NRXN3: variants seen among roughly 807,000 people sequenced by gnomAD.
The protein encoded by NRXN3 is neurexin III.
A neutral mutation model predicts 137.6 loss-of-function variants in NRXN3; 32 were observed. That is an observed-to-expected ratio of 0.23 (90% CI 0.18 to 0.31). The LOEUF is 0.31. NRXN3 is among the 10% of genes least tolerant of loss of function. The probability of loss-of-function intolerance (pLI) is 1.00; values close to 1 mark genes in which losing one functional copy is unlikely to be tolerated. For missense variants in NRXN3, 1,574 were observed against 2,062.5 expected (o/e 0.76, Z 4.59); for synonymous variants, 798 against 784.5 (o/e 1.02, Z -0.29).
intron 15 of NRXN3, among the ~76,000 whole-genome samples, chr14:79,109,010 C>T (rs771087788): frequency 2.0e-5 from 3 of 152,136 alleles, no homozygotes; most frequent in Non-Finnish European, 2.9e-5. Flanking sequence ...CTACTGTCTA[C>T]GATAGATAAT....
Position 79,643,249 on chromosome 14 carries a change from G to A in NRXN3, c.3445-20529G>A, listed in dbSNP as rs191242594. Among the ~76,000 whole-genome samples, 154 of 135,618 alleles carry A rather than the reference G, an allele frequency of 1.1e-3. 7 individuals are homozygous for A. The highest frequency in any genetic ancestry group is 3.7e-3 in the African/African-American group (150 of 40,806). 89.0% of individuals were successfully genotyped at this position (135,618 alleles called of 152,430 possible). ...TTTTTTAAAATATATATCAAATTAT[G>A]CTATCTCACCACATCACAGTATAGC... is the stretch of plus-strand genomic sequence containing the variant. On this transcript the variant is annotated intron_variant, in intron 16 of 20. Coordinates refer to ENST00000335750, the MANE Select transcript of NRXN3 (RefSeq NM_001330195.2).
At chr14:78,755,754 T>C (rs1336148169) in intron 8 of NRXN3, among the ~76,000 whole-genome samples, 5 of 152,202 alleles carry the variant, frequency 3.3e-5, no homozygotes, top group Admixed American at 1.3e-4. Context: ...CTGTTTTGCT[T>C]CCTTCCTTAC....
At chr14:79,410,933 C>G (rs1261597225) in intron 15 of NRXN3, among the ~76,000 whole-genome samples, 39 of 151,990 alleles carry the variant, frequency 2.6e-4, no homozygotes, top group Non-Finnish European at 1.5e-5. Context: ...GTACAATTTA[C>G]AGTTTTGGGG....
intron 4 of NRXN3, among the ~76,000 whole-genome samples, chr14:78,501,530 G>A (rs1409550175): frequency 6.6e-6 from 1 of 152,140 alleles, no homozygotes; most frequent in Non-Finnish European, 1.5e-5. Flanking sequence ...CACTTTTGTT[G>A]TATTCTATTC....
At chr14:79,405,011 G>A (rs1007111235) in intron 15 of NRXN3, among the ~76,000 whole-genome samples, 1 of 152,160 alleles carries the variant, frequency 6.6e-6, no homozygotes, top group Non-Finnish European at 1.5e-5. Context: ...CAATGATCAA[G>A]TTCATAGCAA....
chr14:78,229,347 G>A lies in NRXN3; in HGVS notation c.-703-13044G>A, dbSNP rs567332708. The stretch of plus-strand genomic sequence containing the variant: ...GCCCTGTTATAATGGAAATAAACCC[G>A]GTCAAAGGGTCCTGATAGTTGAGCT... On this transcript the variant is annotated intron_variant, in intron 1 of 20. Coordinates refer to ENST00000335750, the MANE Select transcript of NRXN3 (RefSeq NM_001330195.2). 9.9e-5 allele frequency among the ~76,000 whole-genome samples: 15 copies of A among 151,856 alleles called. No individual in the cohort carries two copies. The South Asian group carries it at 1.0e-3, about 11-fold the overall frequency.
chr14:79,040,451 A>T (rs137910610), intron 15 of NRXN3, among the ~76,000 whole-genome samples: 94 of 152,336 alleles, frequency 6.2e-4, no homozygotes, highest in Middle Eastern at 3.4e-3. Context: ...CTAGGGGAAC[A>T]TGAGAAAGTT....
intron 15 of NRXN3, among the ~76,000 whole-genome samples, chr14:79,284,927 C>T (rs1379861195): frequency 6.6e-6 from 1 of 152,042 alleles, no homozygotes; most frequent in African/African-American, 2.4e-5. Context: ...ATTTATATAT[C>T]TTTGGCCTTG....
chr14:78,224,190 T>C (rs1030463736), intron 1 of NRXN3, among the ~76,000 whole-genome samples: 40 of 152,068 alleles, frequency 2.6e-4, no homozygotes, highest in Non-Finnish European at 5.0e-4. Flanking sequence ...CAAGACTTTT[T>C]TTTTTTTTAA....
Position 79,862,043 on chromosome 14 carries a change from A to C in NRXN3, c.*79A>C. On this transcript the variant is annotated 3_prime_UTR_variant, in exon 21 of 21. Transcript: ENST00000335750. ...ATGAATCTTTGGACGGTGAGATCTC[A>C]CAGATGTCAGAACTGCTGGAACTAT... 102 of 1,208,528 alleles carry C rather than the reference A, an allele frequency of 8.4e-5. No homozygotes were observed. Among genetic ancestry groups the C allele is most frequent in the Non-Finnish European group, 1.1e-4 (91 of 861,070 alleles). The allele number at this position is 1,208,528 out of a possible 1,614,324, so 74.9% of individuals were successfully genotyped here.
At chr14:79,715,218 G>A (rs977419191) in intron 19 of NRXN3, among the ~76,000 whole-genome samples, 7 of 152,160 alleles carry the variant, frequency 4.6e-5, no homozygotes, top group Non-Finnish European at 1.0e-4. Flanking sequence ...CTCCCAAAGA[G>A]CTGGGATTAC....
At chr14:78,978,451 A>G (rs1385855309) in intron 14 of NRXN3, among the ~76,000 whole-genome samples, 2 of 152,110 alleles carry the variant, frequency 1.3e-5, no homozygotes, top group Non-Finnish European at 2.9e-5. Context: ...AAAGCTAAAT[A>G]TAAGTGAATT....
rs1330053341 is a variant in NRXN3, at chr14:78,381,651, T to TTATATTA, written c.757+83795_757+83796insTTATATA. ...ACAAGAATGTCTATAGGAGATTATA[T>TTATATTA]TATAATAGCCCCAAACTGGAGATAA... On this transcript the variant is annotated intron_variant, in intron 4 of 20. Coordinates refer to ENST00000335750, the MANE Select transcript of NRXN3 (RefSeq NM_001330195.2). 5.9e-5 allele frequency among the ~76,000 whole-genome samples: 9 copies of TTATATTA among 152,328 alleles called. No individual in the cohort carries two copies. The South Asian group carries it at 8.3e-4, about 14-fold the overall frequency.
chr14:79,076,873 C>G (rs1018581524), intron 15 of NRXN3, among the ~76,000 whole-genome samples: 1 of 152,122 alleles, frequency 6.6e-6, no homozygotes, highest in South Asian at 2.1e-4. Flanking sequence ...AGTAGAGAAG[C>G]ATTGCATTTA....
intron 10 of NRXN3, among the ~76,000 whole-genome samples, chr14:78,813,953 A>G (rs1333096099): frequency 6.6e-6 from 1 of 152,140 alleles, no homozygotes; most frequent in Non-Finnish European, 1.5e-5. Context: ...TTTTCTAATC[A>G]GCTCTTCTTT....
chr14:79,672,966 A>G (rs2056824366), intron 17 of NRXN3, among the ~76,000 whole-genome samples: 1 of 152,108 alleles, frequency 6.6e-6, no homozygotes, highest in South Asian at 2.1e-4. Context: ...AATAATATAT[A>G]TTCACATACA....
intron 1 of NRXN3, among the ~76,000 whole-genome samples, chr14:78,174,000 T>C (rs757698172): frequency 1.1e-4 from 17 of 152,090 alleles, no homozygotes; most frequent in Non-Finnish European, 2.4e-4. Context: ...ACCGCGGTCT[T>C]CTTTCTTCTC....
intron 8 of NRXN3, among the ~76,000 whole-genome samples, chr14:78,772,148 C>T (rs1375114850): frequency 6.6e-6 from 1 of 152,110 alleles, no homozygotes; most frequent in Non-Finnish European, 1.5e-5. Flanking sequence ...TTTTGTAGCA[C>T]TTTGGACTTC....
intron 15 of NRXN3, among the ~76,000 whole-genome samples, chr14:79,109,597 A>G (rs1384349772): frequency 2.0e-5 from 3 of 152,164 alleles, no homozygotes; most frequent in Non-Finnish European, 4.4e-5. Flanking sequence ...TGTCTGTGAT[A>G]AGATCTTACT....
Sources: allele counts gnomAD v4.1 joint callset (sites outside exome capture counted in the v4.1 genomes callset), GRCh38; gene constraint gnomAD v4.1.1; transcripts MANE v1.5; gene names NCBI Gene and HGNC (gene_info 2026-07-23, HGNC 2026-07-21).